Variants in ZNF385D observed in about 807,000 individuals in gnomAD.
ZNF385D encodes zinc finger protein 385D.
ZNF385D carries 15 observed loss-of-function variants against 35.8 expected under a neutral mutation model. That is an observed-to-expected ratio of 0.42 (90% CI 0.28 to 0.64). The LOEUF is 0.64. Among genes scored for constraint, ZNF385D ranks in the 30% least tolerant of loss-of-function variants. The pLI, the probability that ZNF385D is intolerant of heterozygous loss-of-function variation, is 0.23. For missense variants in ZNF385D, 474 were observed against 494.6 expected, an observed-to-expected ratio of 0.96 and a Z score of 0.39; for synonymous variants, 212 against 186.8, an observed-to-expected ratio of 1.13 and a Z score of -1.10.
chr3:22,330,448 G>T (rs879869549), intron 2 of ZNF385D, among the ~76,000 whole-genome samples: 1 of 152,024 alleles, frequency 6.6e-6, no homozygotes, highest in African/African-American at 2.4e-5. Flanking sequence ...TATTCTTGTT[G>T]AGTTATTTTT....
intron 2 of ZNF385D, among the ~76,000 whole-genome samples, chr3:21,620,882 T>C (rs532395171): frequency 1.2e-4 from 18 of 152,252 alleles, no homozygotes; most frequent in African/African-American, 4.1e-4. Context: ...AATGCTGTGT[T>C]ATTACTATGC....
intron 3 of ZNF385D, among the ~76,000 whole-genome samples, chr3:22,099,374 G>A (rs1294356545): frequency 6.6e-6 from 1 of 152,108 alleles, no homozygotes; most frequent in South Asian, 2.1e-4. Flanking sequence ...ACCAGGTATG[G>A]ATACTGTAAA....
In ZNF385D at chr3:22,142,532, A is replaced by G. The variant is rs1199052075; in HGVS notation, c.325+26285T>C. 2.0e-5 allele frequency among the ~76,000 whole-genome samples: 3 copies of G among 152,182 alleles called. No individual in the cohort carries two copies. The East Asian group carries it at 5.8e-4, about 29-fold the overall frequency. ...TGTATACATATTTATTGCTTTATTA[A>G]CATTTTAATTTGTTTAACCTGTAGC... is the stretch of plus-strand genomic sequence containing the variant. On this transcript the variant is annotated intron_variant, in intron 3 of 5. Coordinates refer to the ZNF385D transcript ENST00000494108.
chr3:21,466,112 A>C (rs1703498629), intron 4 of ZNF385D, among the ~76,000 whole-genome samples: 1 of 152,182 alleles, frequency 6.6e-6, no homozygotes. Context: ...CCCTGCAAAT[A>C]ATGTCTTCAC....
intron 3 of ZNF385D, among the ~76,000 whole-genome samples, chr3:21,556,213 GCT>G (rs1442349030): frequency 6.6e-6 from 1 of 151,744 alleles, no homozygotes; most frequent in Non-Finnish European, 1.5e-5. Flanking sequence ...CTGTGCAGAA[GCT>G]CTTTAGCTTA....
chr3:21,823,809 G>A (rs1383065160), intron 3 of ZNF385D, among the ~76,000 whole-genome samples: 6 of 152,094 alleles, frequency 3.9e-5, no homozygotes, highest in Admixed American at 3.9e-4. Context: ...GTCAGATAAG[G>A]TTACAACAGA....
chr3:21,584,999 A>G (rs1244527076), intron 2 of ZNF385D, among the ~76,000 whole-genome samples: 2 of 152,206 alleles, frequency 1.3e-5, no homozygotes, highest in African/African-American at 4.8e-5. Context: ...CTCCAGAGAA[A>G]AGAGATTGTA....
At chr3:21,696,884 C>T (rs1053126538) in intron 1 of ZNF385D, among the ~76,000 whole-genome samples, 2 of 152,190 alleles carry the variant, frequency 1.3e-5, no homozygotes, top group African/African-American at 4.8e-5. Context: ...AATAAGGAAC[C>T]TGAAGTTAGT....
At chr3:22,275,795 T>C (rs1034501104) in intron 2 of ZNF385D, among the ~76,000 whole-genome samples, 55 of 152,110 alleles carry the variant, frequency 3.6e-4, no homozygotes, top group African/African-American at 1.3e-3. Flanking sequence ...TAAAGGTTCA[T>C]GAGAACTGGT....
At chr3:21,468,204 A>T (rs1162627665) in intron 4 of ZNF385D, among the ~76,000 whole-genome samples, 1 of 151,844 alleles carries the variant, frequency 6.6e-6, no homozygotes, top group Non-Finnish European at 1.5e-5. Flanking sequence ...GAAGTTTGAG[A>T]TGAGCCTGGC....
chr3:22,009,576 T>C (rs921293464), intron 3 of ZNF385D, among the ~76,000 whole-genome samples: 2 of 149,476 alleles, frequency 1.3e-5, no homozygotes, highest in African/African-American at 2.5e-5. Flanking sequence ...TGAGGCGAAA[T>C]TGCACAACTG....
Position 21,413,008 on chromosome 3 carries a change from A to C in ZNF385D, c.*8206T>G, listed in dbSNP as rs912368152. 14 of 147,164 alleles carry C rather than the reference A, an allele frequency of 9.5e-5. No homozygotes were observed. The highest frequency in any genetic ancestry group is 3.6e-4 in the African/African-American group (14 of 38,828). 9.1% of individuals were successfully genotyped at this position (147,164 alleles called of 1,614,324 possible). ...AGACTGGCATAAAACAAACTATGTG[A>C]ATTGCCTTAATTATTATTATTATTA... On this transcript the variant is annotated 3_prime_UTR_variant, in exon 8 of 8. Transcript: ENST00000281523.
chr3:22,143,431 T>C (rs1289309724), intron 3 of ZNF385D, among the ~76,000 whole-genome samples: 3 of 152,286 alleles, frequency 2.0e-5, no homozygotes, highest in Non-Finnish European at 4.4e-5. Flanking sequence ...AAATGCAAAG[T>C]AAACAGGGGA....
intron 3 of ZNF385D, among the ~76,000 whole-genome samples, chr3:21,976,049 C>A (rs114208705): frequency 6.6e-6 from 1 of 152,110 alleles, no homozygotes; most frequent in Non-Finnish European, 1.5e-5. Flanking sequence ...CAGGCTCTAA[C>A]TGGGACACCT....
At chr3:22,187,086 G>A (rs913921510) in intron 2 of ZNF385D, among the ~76,000 whole-genome samples, 2 of 152,024 alleles carry the variant, frequency 1.3e-5, no homozygotes, top group African/African-American at 4.8e-5. Context: ...TATAACAAAC[G>A]AGGAGATCAC....
At chr3:22,362,844 T>C (rs1022259594) in intron 2 of ZNF385D, among the ~76,000 whole-genome samples, 17 of 152,096 alleles carry the variant, frequency 1.1e-4, no homozygotes, top group Non-Finnish European at 5.9e-5. Context: ...AACCCCTATG[T>C]CTACCAGGCA....
At chr3:22,028,159 G>T (rs1396184182) in intron 3 of ZNF385D, among the ~76,000 whole-genome samples, 1 of 152,168 alleles carries the variant, frequency 6.6e-6, no homozygotes, top group Non-Finnish European at 1.5e-5. Context: ...TGGGGAAGAG[G>T]TATGTGGATG....
intron 3 of ZNF385D, among the ~76,000 whole-genome samples, chr3:22,078,012 T>C (rs368393934): frequency 1.3e-5 from 2 of 151,956 alleles, no homozygotes; most frequent in South Asian, 2.1e-4. Context: ...ATAAAGATCA[T>C]GTATTTTTAT....
intron 2 of ZNF385D, among the ~76,000 whole-genome samples, chr3:21,663,122 G>GA (rs896235267): frequency 4.6e-5 from 7 of 151,916 alleles, no homozygotes. Context: ...CTTTGCCCAT[G>GA]AAAAAAACCC....
Sources: allele counts gnomAD v4.1 joint callset (sites outside exome capture counted in the v4.1 genomes callset), GRCh38; gene constraint gnomAD v4.1.1; transcripts MANE v1.5; gene names NCBI Gene and HGNC (gene_info 2026-07-23, HGNC 2026-07-21).